CEPT1: variants seen among roughly 807,000 people sequenced by gnomAD.
CEPT1 encodes the protein choline/ethanolaminephosphotransferase 1.
In CEPT1, 7 loss-of-function variants were observed where a neutral mutation model predicts 42.6. That is an observed-to-expected ratio of 0.16 (90% CI 0.09 to 0.31). The LOEUF is 0.31. CEPT1 is among the 10% of genes least tolerant of loss of function. The pLI is 1.00. For synonymous variants in CEPT1, 171 were observed against 171.9 expected (o/e 0.99, Z 0.04); for missense variants, 306 against 502.1 (o/e 0.61, Z 3.73).
rs182250993 is a variant in CEPT1 at position 111,141,395 on chromosome 1, A to G, written c.-74+1088A>G. Among the ~76,000 whole-genome samples, 741 of 152,352 alleles carry G rather than the reference A, an allele frequency of 4.9e-3. 5 individuals are homozygous for G. Among genetic ancestry groups the G allele is most frequent in the Middle Eastern group, 0.027 (8 of 294 alleles). The stretch of plus-strand genomic sequence containing the variant: ...CCTGCACAACTTGTCTTTCCAACAC[A>G]TTTAAGAAATAAGTTAGTAAATCTA... On this transcript the variant is annotated intron_variant, in intron 1 of 8. Transcript: ENST00000357172.
At chr1:111,182,714 T>C (rs1268893433) in intron 6 of CEPT1, 85 bp from the exon 7 acceptor site, 2 of 1,274,532 alleles carry the variant, frequency 1.6e-6, no homozygotes, top group African/African-American at 3.1e-5. Flanking sequence ...AAAGTTTGAG[T>C]TGAACTGTGA....
chr1:111,152,925 A>C (rs1360566314), intron 2 of CEPT1, among the ~76,000 whole-genome samples: 1 of 152,234 alleles, frequency 6.6e-6, no homozygotes, highest in Non-Finnish European at 1.5e-5. Context: ...TATAATGATC[A>C]GATCAGGGTA....
At chr1:111,171,070 GGA>G (rs1656390572) in intron 4 of CEPT1, among the ~76,000 whole-genome samples, 1 of 152,104 alleles carries the variant, frequency 6.6e-6, no homozygotes, top group Admixed American at 6.5e-5. Context: ...AAAATTTGTG[GGA>G]GAGATGATTA....
chr1:111,165,740 T>G (rs1420006016), intron 4 of CEPT1, among the ~76,000 whole-genome samples: 1 of 152,218 alleles, frequency 6.6e-6, no homozygotes, highest in Non-Finnish European at 1.5e-5. Context: ...AAGTTTCACA[T>G]TTATATTAGC....
At chr1:111,145,995 T>C in intron 1 of CEPT1, among the ~76,000 whole-genome samples, 1 of 152,228 alleles carries the variant, frequency 6.6e-6, no homozygotes, top group Non-Finnish European at 1.5e-5. Context: ...TTCTGGGACT[T>C]TGATTCTGCT....
chr1:111,157,615 C>A (rs1487802407), intron 2 of CEPT1, among the ~76,000 whole-genome samples: 3 of 152,192 alleles, frequency 2.0e-5, no homozygotes, highest in Non-Finnish European at 4.4e-5. Context: ...CTTAGTCATA[C>A]AGGATTAATT....
At chr1:111,154,551 C>T (rs1050930772) in intron 2 of CEPT1, among the ~76,000 whole-genome samples, 10 of 152,082 alleles carry the variant, frequency 6.6e-5, no homozygotes, top group African/African-American at 2.2e-4. Context: ...AGTGGGCATC[C>T]TTGTCTGGTT....
chr1:111,161,150 T>C lies in CEPT1; in HGVS notation c.488-5T>C, dbSNP rs780048500. 6.2e-7 allele frequency: 1 copy of C among 1,614,072 alleles called. No individual in the cohort carries two copies. Among genetic ancestry groups the C allele is most frequent in the Non-Finnish European group, 8.5e-7 (1 of 1,179,952 alleles). ...TTGGTTTTCATCGTGATCTTTCTTC[T>C]GCAGTTTTTGTGGTTCTTGGAACTT... On this transcript the variant is annotated splice_polypyrimidine_tract_variant and splice_region_variant and intron_variant, in intron 3 of 8. Coordinates refer to ENST00000357172, the MANE Select transcript of CEPT1 (RefSeq NM_006090.5).
intron 2 of CEPT1, among the ~76,000 whole-genome samples, chr1:111,154,510 T>C (rs1655456461): frequency 6.6e-6 from 1 of 152,174 alleles, no homozygotes; most frequent in African/African-American, 2.4e-5. Context: ...TTACTCTAGC[T>C]GGGACTTCCA....
At chr1:111,166,514 G>T (rs1472016977) in intron 4 of CEPT1, among the ~76,000 whole-genome samples, 1 of 152,164 alleles carries the variant, frequency 6.6e-6, no homozygotes, top group Non-Finnish European at 1.5e-5. Flanking sequence ...ATAGGATAAG[G>T]AGATGGCCAA....
intron 4 of CEPT1, among the ~76,000 whole-genome samples, chr1:111,172,723 C>T (rs1026536910): frequency 1.3e-5 from 2 of 152,156 alleles, no homozygotes; most frequent in African/African-American, 4.8e-5. Context: ...ACCACACTTC[C>T]AGGAGTGATG....
At chr1:111,162,496 C>T (rs949676605) in intron 4 of CEPT1, among the ~76,000 whole-genome samples, 3 of 152,156 alleles carry the variant, frequency 2.0e-5, no homozygotes, top group African/African-American at 7.2e-5. Flanking sequence ...AAAGGCACTA[C>T]AGGAAGAGGA....
chr1:111,161,239 T>A lies in CEPT1; in HGVS notation c.572T>A (p.Phe191Tyr), dbSNP rs747949785. Reference protein sequence around the residue: ...WMFFCCFAGTFMFYCAHWQTY... With the variant: ...WMFFCCFAGTYMFYCAHWQTY... ...TTTTTTTGTTGTTTTGCGGGGACAT[T>A]TATGTTCTATTGTGCGCACTGGCAA... Residue 191 changes from phenylalanine (F) to tyrosine (Y), a missense_variant, in exon 4 of 9, where the codon TTT becomes TAT. Around this residue, in one of 2 missense-constraint regions of CEPT1, gnomAD observed 253 missense variants for 447.3 expected, o/e 0.57. Transcript: ENST00000357172. 6.2e-7 allele frequency: 1 copy of A among 1,614,018 alleles called. No homozygotes were observed.
intron 5 of CEPT1, among the ~76,000 whole-genome samples, chr1:111,175,605 T>C (rs1656637529): frequency 6.6e-6 from 1 of 152,218 alleles, no homozygotes; most frequent in African/African-American, 2.4e-5. Flanking sequence ...ATCTGTTGCG[T>C]AACTCTCTCT....
intron 7 of CEPT1, 37 bp from the exon 8 acceptor site, chr1:111,183,425 T>C (rs774558108): frequency 4.1e-5 from 66 of 1,607,556 alleles, no homozygotes; most frequent in Non-Finnish European, 5.4e-5. Flanking sequence ...AATTGTCCTC[T>C]TATGAAAATG....
chr1:111,156,663 G>A (rs1655590401), intron 2 of CEPT1, among the ~76,000 whole-genome samples: 1 of 152,168 alleles, frequency 6.6e-6, no homozygotes, highest in Admixed American at 6.5e-5. Context: ...TGCAGCCCAC[G>A]TGCCACAGCT....
rs374244324 is a variant in CEPT1, at chr1:111,163,701, T to C, written c.629+2405T>C. ...GAGGCATATAGAATAAATAGAGATA[T>C]ACATATAGATACATAGAATCTATAG... On this transcript the variant is annotated intron_variant, in intron 4 of 8. Transcript: ENST00000357172. Among the ~76,000 whole-genome samples, 8 of 152,008 alleles carry C rather than the reference T, an allele frequency of 5.3e-5. No homozygotes were observed. In the East Asian group the frequency reaches 7.7e-4, roughly 15 times the overall value.
chr1:111,176,404 TTA>T (rs1368579141), intron 5 of CEPT1, among the ~76,000 whole-genome samples: 1 of 152,172 alleles, frequency 6.6e-6, no homozygotes, highest in African/African-American at 2.4e-5. Context: ...CCTAAAGTTT[TTA>T]TATCCCTTGA....
Position 111,182,240 on chromosome 1 carries a change from A to G in CEPT1, c.768A>G (p.Ala256=). The G allele has an allele frequency of 1.9e-6, 3 of 1,612,858 alleles. No individual in the cohort carries two copies. The highest frequency in any genetic ancestry group is 2.5e-6 in the Non-Finnish European group (3 of 1,179,166). Residue 256 remains alanine (A), a synonymous_variant, in exon 6 of 9, where the codon GCA becomes GCG. Coordinates refer to ENST00000357172, the MANE Select transcript of CEPT1 (RefSeq NM_006090.5). Reference sequence around the variant, plus strand: ...TTTTTCCTGCACTTTGTACTGTAGCAGGGACCATATTTTCCTGTACAAATT... The same window carrying G: ...TTTTTCCTGCACTTTGTACTGTAGCGGGGACCATATTTTCCTGTACAAATT... ...MKIFPALCTV[A]GTIFSCTNYF...
Sources: allele counts gnomAD v4.1 joint callset (sites outside exome capture counted in the v4.1 genomes callset), GRCh38; gene constraint gnomAD v4.1.1; regional missense constraint gnomAD v4.1.1; transcripts MANE v1.5; gene names NCBI Gene and HGNC (gene_info 2026-07-23, HGNC 2026-07-21).